The following LTF variants were observed in gnomAD, a reference collection of about 807,000 sequenced individuals.
LTF encodes lactotransferrin, also known as epididymis luminal protein 110.
LTF carries 91 observed loss-of-function variants against 87.2 expected under a neutral mutation model. The observed-to-expected ratio is 1.04, with a 90% CI of 0.88 to 1.24. The LOEUF is 1.24. Ranked by LOEUF, LTF falls within the 50% of genes most tolerant of loss-of-function variation. The pLI, the probability that LTF is intolerant of heterozygous loss-of-function variation, is 0.00. For missense variants in LTF, 901 were observed against 904.3 expected (o/e 1.00, Z 0.05); for synonymous variants, 378 against 356.1 (o/e 1.06, Z -0.69).
intron 1 of LTF, among the ~76,000 whole-genome samples, chr3:46,482,136 C>G (rs1229317074): frequency 1.3e-5 from 2 of 152,002 alleles, no homozygotes; most frequent in East Asian, 3.9e-4. Context: ...AGAGATGACA[C>G]ACACCTAAGT....
At chr3:46,463,628 G>A in intron 1 of LTF, 1 of 985,492 alleles carries the variant, frequency 1.0e-6, no homozygotes. Flanking sequence ...AGATCCAAGT[G>A]AATATAAAAC....
chr3:46,463,502 T>G (rs928235048), intron 1 of LTF: 1 of 985,472 alleles, frequency 1.0e-6, no homozygotes. Context: ...ACAGGGCAAC[T>G]GCCACCCTTT....
At chr3:46,463,896 G>A (rs887085213) in intron 1 of LTF, among the ~76,000 whole-genome samples, 4 of 152,192 alleles carry the variant, frequency 2.6e-5, no homozygotes, top group Non-Finnish European at 5.9e-5. Flanking sequence ...GGATGGGTTT[G>A]GGCTCCCACT....
upstream of LTF, chr3:46,465,125 G>T: frequency 1.8e-6 from 1 of 549,812 alleles, no homozygotes; most frequent in East Asian, 3.2e-5. Flanking sequence ...CTGCTGCGAT[G>T]TTCTTTCTCT....
intron 1 of LTF, among the ~76,000 whole-genome samples, chr3:46,471,178 C>A (rs1703280643): frequency 6.6e-6 from 1 of 152,146 alleles, no homozygotes. Flanking sequence ...GGAGAGCACA[C>A]ACTGCCCCCA....
At chr3:46,468,641 G>A (rs1559610530), upstream of LTF, among the ~76,000 whole-genome samples, 1 of 152,362 alleles carries the variant, frequency 6.6e-6, no homozygotes, top group East Asian at 1.9e-4. Context: ...CAAGAAGAGT[G>A]TTGGGAAGGA....
chr3:46,451,833 G>T (rs555297865), intron 6 of LTF, among the ~76,000 whole-genome samples: 133 of 152,264 alleles, frequency 8.7e-4, no homozygotes, highest in Middle Eastern at 3.4e-3. Context: ...GACCTCATGT[G>T]ATCCACCCGC....
At chr3:46,482,609 GAAGAAAGAAAGAAAGAAAGAAAGAAAGA>G (rs1179613670) in intron 1 of LTF, among the ~76,000 whole-genome samples, 4 of 56,946 alleles carry the variant, frequency 7.0e-5, no homozygotes, top group African/African-American at 3.1e-4. Flanking sequence ...AAGAAAGAAA[GAAGAAAGAAAGAAAGAAAGAAAGAAAGA>G]AAGAAAGAAA....
intron 1 of LTF, 69 bp from the exon 2 acceptor site, chr3:46,459,888 T>A (rs1703037197): frequency 2.5e-6 from 3 of 1,222,748 alleles, no homozygotes; most frequent in Non-Finnish European, 3.2e-6. Flanking sequence ...CACCCTCTGA[T>A]GGAGTTTTCC....
At chr3:46,450,370 G>T in intron 7 of LTF, 125 bp downstream of exon 7, 1 of 1,000,326 alleles carries the variant, frequency 1.0e-6, no homozygotes, top group Non-Finnish European at 1.5e-6. Flanking sequence ...GCAGCCCAAT[G>T]CATTAGTGTG....
upstream of LTF, among the ~76,000 whole-genome samples, chr3:46,468,073 T>A (rs969997322): frequency 2.6e-5 from 4 of 152,132 alleles, no homozygotes; most frequent in African/African-American, 9.7e-5. Flanking sequence ...GCTCTGTGCA[T>A]GTTATAGGCA....
intron 1 of LTF, among the ~76,000 whole-genome samples, chr3:46,471,846 G>T (rs1703290469): frequency 6.6e-6 from 1 of 152,206 alleles, no homozygotes; most frequent in Admixed American, 6.5e-5. Context: ...AGGGCACCGG[G>T]AGAGTATCAG....
intron 13 of LTF, 160 bp from the exon 14 acceptor site, chr3:46,441,643 C>T (rs1702515725): frequency 1.7e-6 from 1 of 597,580 alleles, no homozygotes; most frequent in Admixed American, 3.3e-5. Context: ...AGATTGAACA[C>T]AGGTGTACCT....
chr3:46,456,341 C>G lies in LTF; in HGVS notation c.265G>C (p.Ala89Pro). ...DGGFIYEAGLAPYKLRPVAAE... is the reference protein window; with the variant it reads ...DGGFIYEAGLPPYKLRPVAAE... ...GCTACAGGTCGCAGTTTGTAGGGGG[C>G]CAGGCCTGCCTCGTATATGAAACCA... The change falls in exon 3 of 17, where the codon GCC (alanine) becomes CCC (proline). Residue 89 changes from alanine (A) to proline (P), a missense_variant. Physicochemically the swap from Ala to Pro is conservative, Grantham distance 27. Coordinates refer to ENST00000231751, the MANE Select transcript of LTF (RefSeq NM_002343.6). The G allele has an allele frequency of 1.2e-6, 2 of 1,614,100 alleles. No homozygotes were observed. The highest frequency in any genetic ancestry group is 2.2e-5 in the South Asian group (2 of 91,080).
At chr3:46,483,300 G>A (rs1361301152) in intron 1 of LTF, among the ~76,000 whole-genome samples, 2 of 152,214 alleles carry the variant, frequency 1.3e-5, no homozygotes, top group East Asian at 3.8e-4. Flanking sequence ...TCTCCTAGGT[G>A]TACGCCCAGC....
intron 1 of LTF, 46 bp from the exon 2 acceptor site, chr3:46,459,865 G>A (rs750368071): frequency 9.1e-6 from 13 of 1,424,954 alleles, no homozygotes; most frequent in Middle Eastern, 2.5e-4. Context: ...ACTGACTGAG[G>A]GCGTGACCAC....
chr3:46,477,480 C>T (rs995750332), intron 1 of LTF, among the ~76,000 whole-genome samples: 1 of 152,182 alleles, frequency 6.6e-6, no homozygotes, highest in Non-Finnish European at 1.5e-5. Flanking sequence ...GGTTAAACAT[C>T]GCAGGCAGGG....
In LTF at chr3:46,445,269, G is replaced by A. The variant is rs1183297930; in HGVS notation, c.1513+12C>T. 1.2e-6 allele frequency: 2 copies of A among 1,602,958 alleles called. No homozygotes were observed. Among genetic ancestry groups the A allele is most frequent in the Non-Finnish European group, 1.7e-6 (2 of 1,174,024 alleles). On this transcript the variant is annotated intron_variant, in intron 12 of 16. Transcript: ENST00000231751. ...AGGGTGGCCCACCCACCGCACCTTT[G>A]GAACTCCTTACCAAATTTGCAGGAG...
At chr3:46,477,600 C>G (rs1448033221) in intron 1 of LTF, among the ~76,000 whole-genome samples, 1 of 152,194 alleles carries the variant, frequency 6.6e-6, no homozygotes, top group Non-Finnish European at 1.5e-5. Context: ...AAAAGCATCT[C>G]CCTCATAAAA....
Sources: allele counts gnomAD v4.1 joint callset (sites outside exome capture counted in the v4.1 genomes callset), GRCh38; gene constraint gnomAD v4.1.1; transcripts MANE v1.5; gene names NCBI Gene and HGNC (gene_info 2026-07-23, HGNC 2026-07-21).